UNC13C: variants seen among roughly 807,000 people sequenced by gnomAD.
The protein encoded by UNC13C is protein unc-13 homolog C.
UNC13C carries 174 observed loss-of-function variants against 245.4 expected under a neutral mutation model. That is an observed-to-expected ratio of 0.71 (90% CI 0.63 to 0.80). UNC13C has a LOEUF of 0.80. Among genes scored for constraint, UNC13C ranks in the 30% least tolerant of loss-of-function variants. UNC13C has a pLI of 0.00. For missense variants in UNC13C, 2,829 were observed against 2,602.9 expected, an observed-to-expected ratio of 1.09 and a Z score of -1.89; for synonymous variants, 992 against 895.1, an observed-to-expected ratio of 1.11 and a Z score of -1.93.
At chr15:54,565,704 T>G (rs529447406) in intron 29 of UNC13C, among the ~76,000 whole-genome samples, 1 of 152,084 alleles carries the variant, frequency 6.6e-6, no homozygotes, top group Admixed American at 6.6e-5. Context: ...CAAAGCAATA[T>G]TCAGTTTTAT....
At chr15:54,428,961 C>T (rs1199116728) in intron 19 of UNC13C, among the ~76,000 whole-genome samples, 1 of 151,718 alleles carries the variant, frequency 6.6e-6, no homozygotes, top group Non-Finnish European at 1.5e-5. Context: ...AGCCCCCAAT[C>T]GGGTCCCGTA....
intron 4 of UNC13C, among the ~76,000 whole-genome samples, chr15:54,228,026 G>A (rs2035441905): frequency 6.6e-6 from 1 of 152,198 alleles, no homozygotes; most frequent in African/African-American, 2.4e-5. Flanking sequence ...TCTACCTGGT[G>A]CTCTATTCTC....
intron 2 of UNC13C, among the ~76,000 whole-genome samples, chr15:54,125,451 A>C (rs925672383): frequency 6.6e-6 from 1 of 152,166 alleles, no homozygotes; most frequent in Non-Finnish European, 1.5e-5. Context: ...CGACAGTGTG[A>C]GATTCCATCT....
intron 4 of UNC13C, among the ~76,000 whole-genome samples, chr15:54,178,993 C>G (rs2033708595): frequency 6.6e-6 from 1 of 152,164 alleles, no homozygotes; most frequent in Non-Finnish European, 1.5e-5. Flanking sequence ...ACTGAATTTT[C>G]ATAGTTATTT....
chr15:53,973,482 T>C (rs1280064911), upstream of UNC13C, among the ~76,000 whole-genome samples: 2 of 151,970 alleles, frequency 1.3e-5, no homozygotes, highest in Non-Finnish European at 1.5e-5. Flanking sequence ...AGAAAAATAG[T>C]ACTTGCTAAA....
intron 19 of UNC13C, among the ~76,000 whole-genome samples, chr15:54,440,609 A>C (rs906944499): frequency 1.3e-5 from 2 of 152,010 alleles, no homozygotes; most frequent in African/African-American, 4.8e-5. Flanking sequence ...TTAGTACTGG[A>C]AAAAAGATGG....
chr15:53,861,062 A>T, the UNC13C span, among the ~76,000 whole-genome samples: 1 of 152,200 alleles, frequency 6.6e-6, no homozygotes, highest in Non-Finnish European at 1.5e-5. Context: ...GATACTTTAC[A>T]TTATAGAATG....
At chr15:53,938,705 G>A in the UNC13C span, among the ~76,000 whole-genome samples, 6 of 152,064 alleles carry the variant, frequency 3.9e-5, no homozygotes, top group African/African-American at 1.4e-4. Context: ...AGAAATTCAC[G>A]GAAAACCACA....
chr15:53,970,937 G>A, the UNC13C span, among the ~76,000 whole-genome samples: 2 of 152,120 alleles, frequency 1.3e-5, no homozygotes, highest in African/African-American at 4.8e-5. Context: ...CTTTTCTACT[G>A]TTTTGCATAG....
chr15:54,180,923 G>A (rs1334645697), intron 4 of UNC13C, among the ~76,000 whole-genome samples: 1 of 151,808 alleles, frequency 6.6e-6, no homozygotes, highest in Non-Finnish European at 1.5e-5. Context: ...TTGAAAATAT[G>A]TTTTCCTATT....
At chr15:53,895,388 A>T in the UNC13C span, among the ~76,000 whole-genome samples, 1 of 150,526 alleles carries the variant, frequency 6.6e-6, no homozygotes. Flanking sequence ...ATTTTGTGTC[A>T]TGTAATGGTC....
intron 2 of UNC13C, among the ~76,000 whole-genome samples, chr15:54,047,555 T>C (rs980015585): frequency 2.6e-5 from 4 of 152,162 alleles, no homozygotes; most frequent in African/African-American, 9.6e-5. Flanking sequence ...TTTCAAGGTT[T>C]ATCCTGTTGT....
At chr15:54,286,441 A>G (rs2037151659) in intron 10 of UNC13C, among the ~76,000 whole-genome samples, 1 of 152,130 alleles carries the variant, frequency 6.6e-6, no homozygotes, top group Non-Finnish European at 1.5e-5. Flanking sequence ...CTACTATACT[A>G]CTTCAGCAAT....
At chr15:53,858,557 A>G in the UNC13C span, among the ~76,000 whole-genome samples, 86 of 151,942 alleles carry the variant, frequency 5.7e-4, 1 homozygote, top group East Asian at 0.015. Flanking sequence ...ACTAGCTGGG[A>G]TTACAGGCAT....
chr15:53,858,771 G>T, the UNC13C span, among the ~76,000 whole-genome samples: 1 of 152,028 alleles, frequency 6.6e-6, no homozygotes, highest in Non-Finnish European at 1.5e-5. Context: ...TGGCCTAATG[G>T]CTAACACACT....
intron 13 of UNC13C, among the ~76,000 whole-genome samples, chr15:54,317,108 A>G (rs1040933815): frequency 1.2e-4 from 18 of 152,014 alleles, no homozygotes; most frequent in African/African-American, 3.9e-4. Flanking sequence ...ATAAATTATA[A>G]TACTAATTCT....
chr15:54,478,286 GAT>G (rs1491270598), intron 19 of UNC13C, among the ~76,000 whole-genome samples: 1 of 122,058 alleles, frequency 8.2e-6, no homozygotes, highest in African/African-American at 3.1e-5. Context: ...ATTTTTTGAA[GAT>G]TTTTTTTTTG....
At chr15:54,119,804 A>G (rs552507934) in intron 2 of UNC13C, among the ~76,000 whole-genome samples, 1 of 152,326 alleles carries the variant, frequency 6.6e-6, no homozygotes, top group East Asian at 1.9e-4. Flanking sequence ...TATTGCTCAT[A>G]TAAAGAAAGT....
At chr15:54,250,529 T>TAC in intron 8 of UNC13C, 85 bp downstream of exon 8, 2 of 1,312,278 alleles carry the variant, frequency 1.5e-6, no homozygotes, top group East Asian at 5.0e-5. Flanking sequence ...CAACTCTTGC[T>TAC]GGTTGTCAAG....
Sources: gnomAD v4.1 joint callset for allele counts (sites outside exome capture counted in the v4.1 genomes callset) on GRCh38, gnomAD v4.1.1 for gene constraint, MANE v1.5 for transcripts, NCBI Gene and HGNC (gene_info 2026-07-23, HGNC 2026-07-21) for gene names.